The following RALGPS1 variants were observed in gnomAD, a reference collection of about 807,000 sequenced individuals.
RALGPS1 encodes Ral GEF with PH domain and SH3 binding motif 1, also known as ras-specific guanine nucleotide-releasing factor RalGPS1.
Under a neutral mutation model 78.8 loss-of-function variants are expected in RALGPS1, and 19 were observed. That is an observed-to-expected ratio of 0.24 (90% confidence interval 0.17 to 0.35). The LOEUF (loss-of-function observed/expected upper bound fraction) is 0.35, where lower values mean the gene tolerates loss of function less well. Ranked by LOEUF, RALGPS1 falls within the 10% of genes least tolerant of loss-of-function variation. The probability of loss-of-function intolerance (pLI) is 1.00; values close to 1 mark genes in which losing one functional copy is unlikely to be tolerated. For missense variants in RALGPS1, 454 were observed against 688.3 expected (o/e 0.66, Z 3.81); for synonymous variants, 228 against 256.3 (o/e 0.89, Z 1.06).
At chr9:126,963,052 C>G (rs761823636) in intron 2 of RALGPS1, among the ~76,000 whole-genome samples, 2 of 152,160 alleles carry the variant, frequency 1.3e-5, no homozygotes, top group African/African-American at 4.8e-5. Context: ...CAAGAAAATT[C>G]GGTGTTTTGA....
At chr9:127,182,922 C>A (rs1402915888) in intron 11 of RALGPS1, among the ~76,000 whole-genome samples, 2 of 152,148 alleles carry the variant, frequency 1.3e-5, no homozygotes, top group Non-Finnish European at 2.9e-5. Flanking sequence ...GTTCTGCAAG[C>A]TTTACAAGCA....
intron 4 of RALGPS1, among the ~76,000 whole-genome samples, chr9:126,984,777 C>T (rs904507303): frequency 6.6e-6 from 1 of 152,160 alleles, no homozygotes; most frequent in Non-Finnish European, 1.5e-5. Flanking sequence ...ACAAGATCCC[C>T]AGGGTTATGT....
At chr9:127,129,796 C>G (rs1224376646) in intron 8 of RALGPS1, among the ~76,000 whole-genome samples, 1 of 152,248 alleles carries the variant, frequency 6.6e-6, no homozygotes, top group Non-Finnish European at 1.5e-5. Flanking sequence ...GACTACCCCA[C>G]CGCCTTCTCT....
Position 126,965,939 on chromosome 9 carries a change from A to C in RALGPS1, c.153A>C (p.Pro51=), listed in dbSNP as rs1233794805. The C allele has an allele frequency of 1.2e-6, 2 of 1,614,024 alleles. No individual in the cohort carries two copies. Among genetic ancestry groups the C allele is most frequent in the Non-Finnish European group, 1.7e-6 (2 of 1,179,874 alleles). Residue 51 remains proline, a synonymous_variant, in exon 3 of 19, where the codon CCA becomes CCC. Transcript: ENST00000259351. ...TCTTCGATGTCTTGAAAGTGACCCCAGAGGAGTTTGCTGTAAGTGAAACAG... is the reference window on the plus strand; with the variant it reads ...TCTTCGATGTCTTGAAAGTGACCCCCGAGGAGTTTGCTGTAAGTGAAACAG... ...AVVFDVLKVT[P]EEFASQITLM...
intron 1 of RALGPS1, among the ~76,000 whole-genome samples, chr9:126,949,838 T>C (rs970237132): frequency 3.9e-5 from 6 of 152,102 alleles, no homozygotes; most frequent in South Asian, 2.1e-4. Context: ...TTTGTCAATT[T>C]TGGCTTTTGT....
chr9:126,952,675 G>GTGTC (rs2037964078), intron 1 of RALGPS1, among the ~76,000 whole-genome samples: 1 of 106,490 alleles, frequency 9.4e-6, no homozygotes, highest in Non-Finnish European at 2.3e-5. Context: ...GTGTGTGTGT[G>GTGTC]TGTGTCTGTG....
At chr9:126,984,407 T>A (rs574007337) in intron 4 of RALGPS1, among the ~76,000 whole-genome samples, 1 of 152,364 alleles carries the variant, frequency 6.6e-6, no homozygotes, top group South Asian at 2.1e-4. Context: ...CTGACTCTTA[T>A]AGCTGAAATT....
chr9:127,031,843 T>C (rs761383458), intron 4 of RALGPS1, among the ~76,000 whole-genome samples: 10 of 152,218 alleles, frequency 6.6e-5, no homozygotes, highest in Non-Finnish European at 1.3e-4. Flanking sequence ...TAACTCCACA[T>C]AGAGTTTTTG....
chr9:126,950,266 C>G (rs2037687262), intron 1 of RALGPS1, among the ~76,000 whole-genome samples: 1 of 152,160 alleles, frequency 6.6e-6, no homozygotes, highest in Admixed American at 6.5e-5. Flanking sequence ...CAGCTTTGTT[C>G]TTTTGGCTTA....
intron 8 of RALGPS1, among the ~76,000 whole-genome samples, chr9:127,090,501 G>A (rs1037364354): frequency 2.0e-5 from 3 of 152,214 alleles, no homozygotes; most frequent in African/African-American, 7.2e-5. Flanking sequence ...TACAGGGATG[G>A]GCAGGTCATG....
In RALGPS1 at chr9:127,179,772, G is replaced by A. The variant is rs556034866; in HGVS notation, c.910+4990G>A. Among the ~76,000 whole-genome samples the A allele has an allele frequency of 5.3e-5, 8 of 152,316 alleles. No homozygotes were observed. The East Asian group carries it at 5.8e-4, about 11-fold the overall frequency. On this transcript the variant is annotated intron_variant, in intron 11 of 18. Transcript: ENST00000259351. Reference sequence around the variant, plus strand: ...GCAGTGGGAGCAAGACCAATGTGCCGGGCGGTCTCTCTGGCCCTCTTCTAG... The same window carrying A: ...GCAGTGGGAGCAAGACCAATGTGCCAGGCGGTCTCTCTGGCCCTCTTCTAG...
intron 8 of RALGPS1, among the ~76,000 whole-genome samples, chr9:127,164,237 G>GTTA (rs897158534): frequency 2.8e-4 from 42 of 151,740 alleles, no homozygotes; most frequent in African/African-American, 7.5e-4. Context: ...AACCAAGCTT[G>GTTA]TTATTATTAT....
chr9:127,163,357 A>G (rs2059124559), intron 8 of RALGPS1, among the ~76,000 whole-genome samples: 1 of 152,230 alleles, frequency 6.6e-6, no homozygotes, highest in African/African-American at 2.4e-5. Context: ...AGAGAGGAGA[A>G]GAAAAACAAG....
intron 4 of RALGPS1, among the ~76,000 whole-genome samples, chr9:127,019,411 T>G (rs921994919): frequency 5.9e-5 from 9 of 152,150 alleles, no homozygotes; most frequent in African/African-American, 2.2e-4. Flanking sequence ...CACTGCAAGC[T>G]CTGCTTCCCG....
Position 126,966,520 on chromosome 9 carries a change from CAAA to C in RALGPS1, c.165+589_165+591del, listed in dbSNP as rs756980868. On this transcript the variant is annotated intron_variant, in intron 3 of 18. Coordinates refer to ENST00000259351, the MANE Select transcript of RALGPS1 (RefSeq NM_014636.3). ...TGGGTGACAGAGGAAAACCCTGTCT[CAAA>C]AAAAAAAAAAAAAAAAAAAGCATGT... 0.011 allele frequency among the ~76,000 whole-genome samples: 597 copies of C among 53,444 alleles called. 13 individuals carry two copies. In the South Asian group the frequency reaches 0.16, roughly 14 times the overall value. The allele number at this position is 53,444 out of a possible 152,430, so 35.1% of individuals were successfully genotyped here. A position where few individuals can be genotyped will look rare whatever the true frequency, so the allele number is the denominator to read the frequency against.
intron 5 of RALGPS1, among the ~76,000 whole-genome samples, chr9:127,047,568 G>C (rs183617008): frequency 1.3e-5 from 2 of 152,070 alleles, no homozygotes; most frequent in Non-Finnish European, 2.9e-5. Context: ...GTGTGGTGGT[G>C]CATGCCTGTA....
At chr9:127,186,220 A>T (rs115278631) in intron 11 of RALGPS1, among the ~76,000 whole-genome samples, 1 of 152,230 alleles carries the variant, frequency 6.6e-6, no homozygotes, top group African/African-American at 2.4e-5. Context: ...GTCAGTTCTC[A>T]TATGTTCCAA....
chr9:127,134,805 T>A (rs1032964652), intron 8 of RALGPS1, among the ~76,000 whole-genome samples: 2 of 152,248 alleles, frequency 1.3e-5, no homozygotes, highest in Non-Finnish European at 2.9e-5. Flanking sequence ...CATAGCTCAC[T>A]GTTCAGAGCT....
chr9:127,214,311 T>C (rs140409194), intron 17 of RALGPS1: 146 of 156,708 alleles, frequency 9.3e-4, no homozygotes, highest in African/African-American at 3.1e-3. Context: ...GAATCACATA[T>C]TGTTACAGAC....
Sources: gnomAD v4.1 joint callset for allele counts (sites outside exome capture counted in the v4.1 genomes callset) on GRCh38, gnomAD v4.1.1 for gene constraint, MANE v1.5 for transcripts, NCBI Gene and HGNC (gene_info 2026-07-23, HGNC 2026-07-21) for gene names.